LOXL2: variants seen among roughly 807,000 people sequenced by gnomAD.
LOXL2 encodes the protein lysyl oxidase homolog 2.
A neutral mutation model predicts 93.0 loss-of-function variants in LOXL2; 70 were observed. The ratio of observed to expected loss-of-function variants is 0.75; its 90% confidence interval spans 0.62 to 0.92. LOXL2 has a LOEUF of 0.92. Among genes scored for constraint, LOXL2 ranks in the 40% least tolerant of loss-of-function variants. The pLI, the probability that LOXL2 is intolerant of heterozygous loss-of-function variation, is 0.00. For synonymous variants in LOXL2, 438 were observed against 413.2 expected, an observed-to-expected ratio of 1.06 and a Z score of -0.73; for missense variants, 973 against 1,054.9, an observed-to-expected ratio of 0.92 and a Z score of 1.08.
In LOXL2 at chr8:23,302,092, G is replaced by A. The variant is rs755780161; in HGVS notation, c.2068C>T (p.Arg690Cys). Reference sequence around the variant, plus strand: ...ACCCACTGGCAGTCGATGTCATGGCGGTACATGTCCCAGCAGCCCATGGTG... The same window carrying A: ...ACCCACTGGCAGTCGATGTCATGGCAGTACATGTCCCAGCAGCCCATGGTG... ...GITMGCWDMY[R>C]HDIDCQWVDI... The change falls in exon 12 of 14, where the codon CGC becomes TGC. Residue 690 changes from arginine to cysteine, a missense_variant. Coordinates refer to ENST00000389131, the MANE Select transcript of LOXL2 (RefSeq NM_002318.3). 124 of 1,614,014 alleles carry A rather than the reference G, an allele frequency of 7.7e-5. No individual in the cohort carries two copies. The highest frequency in any genetic ancestry group is 1.1e-4 in the African/African-American group (8 of 74,902).
chr8:23,313,488 C>T (rs1157915328), intron 9 of LOXL2, among the ~76,000 whole-genome samples: 49 of 151,754 alleles, frequency 3.2e-4, no homozygotes, highest in Admixed American at 1.1e-3. Context: ...TCAGAAATAA[C>T]GCTGCATATC....
chr8:23,402,989 G>A (rs1285139571), intron 1 of LOXL2, among the ~76,000 whole-genome samples: 1 of 151,940 alleles, frequency 6.6e-6, no homozygotes, highest in African/African-American at 2.4e-5. Context: ...CCGCACTCCG[G>A]CTGTTTTTTG....
chr8:23,350,648 C>A (rs1414685275), intron 3 of LOXL2, among the ~76,000 whole-genome samples: 1 of 152,182 alleles, frequency 6.6e-6, no homozygotes, highest in Non-Finnish European at 1.5e-5. Context: ...AAAGGCATTT[C>A]AACAATTTCT....
chr8:23,312,203 C>T lies in LOXL2; in HGVS notation c.1637-2292G>A, dbSNP rs560091218. ...GTCCAGGACCAGATGGATTCACAGC[C>T]GAATTCTACCAGAGGTATAAGGAGG... On this transcript the variant is annotated intron_variant, in intron 9 of 13. Transcript: ENST00000389131. Among the ~76,000 whole-genome samples the T allele has an allele frequency of 4.6e-5, 7 of 151,742 alleles. No individual in the cohort carries two copies. In the East Asian group the frequency reaches 7.7e-4, roughly 17 times the overall value.
intron 1 of LOXL2, among the ~76,000 whole-genome samples, chr8:23,378,180 A>G (rs1804622325): frequency 6.6e-6 from 1 of 152,064 alleles, no homozygotes; most frequent in Admixed American, 6.6e-5. Flanking sequence ...AAAGGATTTT[A>G]TTTCTCCTTC....
chr8:23,328,278 G>A, intron 6 of LOXL2, 104 bp downstream of exon 6: 9 of 1,259,594 alleles, frequency 7.1e-6, no homozygotes, highest in Non-Finnish European at 1.0e-5. Context: ...AAAGGGAGGA[G>A]GGAAAGTGAG....
At chr8:23,332,257 ACAC>A (rs1453206195) in intron 5 of LOXL2, among the ~76,000 whole-genome samples, 2 of 57,338 alleles carry the variant, frequency 3.5e-5, no homozygotes, top group Non-Finnish European at 6.7e-5. Flanking sequence ...ACACTTATAC[ACAC>A]CACCCACACA....
intron 1 of LOXL2, among the ~76,000 whole-genome samples, chr8:23,372,268 T>G (rs1247348607): frequency 6.6e-6 from 1 of 151,122 alleles, no homozygotes; most frequent in African/African-American, 2.4e-5. Context: ...CAGGCTGGAG[T>G]GTGCAGTGGC....
intron 4 of LOXL2, among the ~76,000 whole-genome samples, chr8:23,338,211 C>T (rs1803826185): frequency 6.6e-6 from 1 of 152,248 alleles, no homozygotes; most frequent in African/African-American, 2.4e-5. Flanking sequence ...TTACCTCCCA[C>T]TGGGTCCCTC....
At chr8:23,326,875 G>A (rs954531938) in intron 6 of LOXL2, among the ~76,000 whole-genome samples, 3 of 152,198 alleles carry the variant, frequency 2.0e-5, no homozygotes, top group African/African-American at 7.2e-5. Flanking sequence ...AAACTTCAGT[G>A]CACACCTGGA....
intron 3 of LOXL2, among the ~76,000 whole-genome samples, chr8:23,344,849 C>T (rs1803943881): frequency 6.6e-6 from 1 of 152,290 alleles, no homozygotes; most frequent in Non-Finnish European, 1.5e-5. Context: ...CTCTTCTTCT[C>T]CCTCCAAAGA....
intron 2 of LOXL2, chr8:23,365,196 T>A (rs1804378295): frequency 6.6e-6 from 1 of 152,344 alleles, no homozygotes; most frequent in Admixed American, 6.5e-5. Context: ...GCTTGAGGGG[T>A]CCTGGAGGGG....
intron 3 of LOXL2, among the ~76,000 whole-genome samples, chr8:23,355,942 C>T (rs1417824776): frequency 6.6e-6 from 1 of 152,088 alleles, no homozygotes; most frequent in Non-Finnish European, 1.5e-5. Context: ...TTTTCAGTTA[C>T]TCTCCCTAAA....
At chr8:23,376,638 G>A (rs1460525875) in intron 1 of LOXL2, among the ~76,000 whole-genome samples, 4 of 151,946 alleles carry the variant, frequency 2.6e-5, no homozygotes, top group African/African-American at 7.3e-5. Flanking sequence ...GTCTATTCAG[G>A]GATTCAACTT....
chr8:23,380,378 C>A (rs1003418628), intron 1 of LOXL2, among the ~76,000 whole-genome samples: 2 of 126,478 alleles, frequency 1.6e-5, no homozygotes, highest in Non-Finnish European at 3.2e-5. Flanking sequence ...CGTGACAGAG[C>A]GAGACTCCGT....
intron 9 of LOXL2, among the ~76,000 whole-genome samples, chr8:23,314,558 C>A (rs1275612280): frequency 1.4e-5 from 2 of 142,848 alleles, no homozygotes; most frequent in African/African-American, 5.1e-5. Context: ...AAACCAAACA[C>A]CGCATATTCT....
chr8:23,386,500 C>T (rs1434311585), intron 1 of LOXL2, among the ~76,000 whole-genome samples: 1 of 152,192 alleles, frequency 6.6e-6, no homozygotes, highest in African/African-American at 2.4e-5. Flanking sequence ...CATTTGAGGA[C>T]ATCTAGACTA....
intron 5 of LOXL2, among the ~76,000 whole-genome samples, chr8:23,330,026 A>T (rs556439546): frequency 4.0e-4 from 61 of 151,718 alleles, no homozygotes; most frequent in African/African-American, 1.4e-3. Context: ...CCCTAGCTTT[A>T]AAAAAAAACC....
intron 1 of LOXL2, among the ~76,000 whole-genome samples, chr8:23,378,257 G>T (rs1229426060): frequency 1.3e-5 from 2 of 152,182 alleles, no homozygotes; most frequent in Non-Finnish European, 1.5e-5. Context: ...TAAGAATGTT[G>T]AATATTGGCC....
Sources: gnomAD v4.1 joint callset for allele counts (sites outside exome capture counted in the v4.1 genomes callset) on GRCh38, gnomAD v4.1.1 for gene constraint, MANE v1.5 for transcripts, NCBI Gene and HGNC (gene_info 2026-07-23, HGNC 2026-07-21) for gene names.